Variants in FTO observed in about 807,000 individuals in gnomAD.
FTO encodes the protein FTO alpha-ketoglutarate dependent dioxygenase.
A neutral mutation model predicts 63.9 loss-of-function variants in FTO; 47 were observed. The ratio of observed to expected loss-of-function variants is 0.74; its 90% CI spans 0.58 to 0.94. FTO has a LOEUF of 0.94. Ranked by LOEUF, FTO falls within the 40% of genes least tolerant of loss-of-function variation. The pLI is 0.00. For synonymous variants in FTO, 207 were observed against 224.4 expected (o/e 0.92, Z 0.69); for missense variants, 562 against 618.1 (o/e 0.91, Z 0.96).
intron 1 of FTO, among the ~76,000 whole-genome samples, chr16:53,735,882 C>T (rs1052160818): frequency 2.6e-5 from 4 of 152,006 alleles, no homozygotes; most frequent in African/African-American, 7.2e-5. Flanking sequence ...TATCTTCAGT[C>T]ACCAAGTCTT....
At chr16:53,705,540 T>C (rs1000425617) in intron 1 of FTO, among the ~76,000 whole-genome samples, 30 of 152,238 alleles carry the variant, frequency 2.0e-4, no homozygotes, top group African/African-American at 7.2e-4. Flanking sequence ...CTTGCTTTCA[T>C]AGAATTTCAT....
chr16:54,080,955 G>A (rs1390019556), intron 8 of FTO, among the ~76,000 whole-genome samples: 1 of 152,178 alleles, frequency 6.6e-6, no homozygotes, highest in African/African-American at 2.4e-5. Context: ...TGTTAAGGCA[G>A]GATGTAGTGT....
chr16:53,889,071 T>C (rs1405202838), intron 7 of FTO, 120 bp downstream of exon 7: 15 of 1,220,728 alleles, frequency 1.2e-5, no homozygotes, highest in Non-Finnish European at 1.7e-5. Context: ...GTTAGATTCT[T>C]CTTGGTAAGG....
chr16:53,859,534 A>G (rs2080109595), intron 4 of FTO, among the ~76,000 whole-genome samples: 1 of 148,818 alleles, frequency 6.7e-6, no homozygotes, highest in South Asian at 2.1e-4. Context: ...ACTGTATATT[A>G]AATATATTTT....
At chr16:54,083,092 T>G (rs1490114232) in intron 8 of FTO, among the ~76,000 whole-genome samples, 2 of 152,230 alleles carry the variant, frequency 1.3e-5, no homozygotes, top group African/African-American at 4.8e-5. Flanking sequence ...AAATCTTCTA[T>G]CTAAATTGAA....
chr16:53,805,648 C>G (rs2078345051), intron 1 of FTO, among the ~76,000 whole-genome samples: 3 of 152,040 alleles, frequency 2.0e-5, no homozygotes, highest in African/African-American at 7.3e-5. Flanking sequence ...CGGGTTTTTA[C>G]CATTTTCCCC....
In FTO at chr16:54,075,290, C is replaced by T. The variant is rs144382663; in HGVS notation, c.1365-36472C>T. Reference sequence around the variant, plus strand: ...CTGTTGGTAATGGCAATATTATTAACGTACTTTTTACTTTTAAAAATGGTT... The same window carrying T: ...CTGTTGGTAATGGCAATATTATTAATGTACTTTTTACTTTTAAAAATGGTT... On this transcript the variant is annotated intron_variant, in intron 8 of 8. Coordinates refer to ENST00000471389, the MANE Select transcript of FTO (RefSeq NM_001080432.3). Among the ~76,000 whole-genome samples the T allele has an allele frequency of 1.3e-3, 192 of 152,136 alleles. 1 individual carries two copies. The highest frequency in any genetic ancestry group is 3.7e-3 in the African/African-American group (153 of 41,512).
intron 8 of FTO, among the ~76,000 whole-genome samples, chr16:54,029,882 T>C (rs2084790994): frequency 6.6e-6 from 1 of 152,248 alleles, no homozygotes; most frequent in Non-Finnish European, 1.5e-5. Context: ...TTTCTTCTAC[T>C]AAATTAGTCC....
intron 1 of FTO, among the ~76,000 whole-genome samples, chr16:53,737,494 C>G (rs2076416700): frequency 6.6e-6 from 1 of 152,148 alleles, no homozygotes; most frequent in South Asian, 2.1e-4. Flanking sequence ...GCAATTGTAG[C>G]ACAATGGTAA....
intron 8 of FTO, among the ~76,000 whole-genome samples, chr16:54,048,229 ATAAAAAAT>A (rs2085227069): frequency 7.0e-6 from 1 of 142,168 alleles, no homozygotes; most frequent in African/African-American, 2.7e-5. Context: ...AAAATAAAAA[ATAAAAAAT>A]AAAAAAATAA....
chr16:53,853,568 G>A (rs544583059), intron 4 of FTO, among the ~76,000 whole-genome samples: 1 of 152,092 alleles, frequency 6.6e-6, no homozygotes, highest in African/African-American at 2.4e-5. Context: ...GTGAGAACAT[G>A]CAATATTTGT....
rs530520577 is a variant in FTO at position 53,739,351 on chromosome 16, G to A, written c.45+35122G>A. ...CTCCCCAGTAGCTGGGACTATAGGC[G>A]CCCGCCACCACACCTGGCTGTTTTT... On this transcript the variant is annotated intron_variant, in intron 1 of 8. Transcript: ENST00000471389. 1.3e-3 allele frequency among the ~76,000 whole-genome samples: 192 copies of A among 149,674 alleles called. 1 individual carries two copies. The highest frequency in any genetic ancestry group is 4.2e-3 in the African/African-American group (170 of 40,834).
intron 7 of FTO, among the ~76,000 whole-genome samples, chr16:53,907,436 A>G (rs2081567163): frequency 1.3e-5 from 2 of 152,214 alleles, no homozygotes; most frequent in South Asian, 4.1e-4. Context: ...ACTCTCTGCC[A>G]CAGCCCAGCA....
intron 1 of FTO, among the ~76,000 whole-genome samples, chr16:53,794,308 A>G (rs1156722146): frequency 1.3e-5 from 2 of 152,200 alleles, no homozygotes; most frequent in African/African-American, 4.8e-5. Context: ...ATTCATAGGA[A>G]TGGCAGATAT....
intron 1 of FTO, among the ~76,000 whole-genome samples, chr16:53,802,067 T>C (rs1388039434): frequency 6.6e-6 from 1 of 152,160 alleles, no homozygotes; most frequent in Non-Finnish European, 1.5e-5. Context: ...CGCAGTCTTA[T>C]TTGGTTTTAT....
intron 4 of FTO, among the ~76,000 whole-genome samples, chr16:53,861,466 TGTTA>T (rs1215099761): frequency 6.6e-6 from 1 of 152,354 alleles, no homozygotes; most frequent in South Asian, 2.1e-4. Context: ...TTCTTCTTTC[TGTTA>T]TTCATTGGCT....
intron 2 of FTO, among the ~76,000 whole-genome samples, chr16:53,822,827 T>C (rs549209122): frequency 1.3e-5 from 2 of 152,302 alleles, no homozygotes; most frequent in East Asian, 3.9e-4. Flanking sequence ...AAGCCTTGCA[T>C]ACCTGACTTG....
chr16:53,739,245 G>T (rs185662966), intron 1 of FTO, among the ~76,000 whole-genome samples: 1 of 150,646 alleles, frequency 6.6e-6, no homozygotes, highest in Non-Finnish European at 1.5e-5. Context: ...TCGCTCTGTC[G>T]CCCAGGCTGG....
chr16:53,852,537 C>T (rs752041807), intron 4 of FTO, among the ~76,000 whole-genome samples: 18 of 152,118 alleles, frequency 1.2e-4, no homozygotes, highest in Non-Finnish European at 8.8e-5. Context: ...TTTGATAAGA[C>T]AAGCACGCTT....
Sources: gnomAD v4.1 joint callset for allele counts (sites outside exome capture counted in the v4.1 genomes callset) on GRCh38, gnomAD v4.1.1 for gene constraint, MANE v1.5 for transcripts, NCBI Gene and HGNC (gene_info 2026-07-23, HGNC 2026-07-21) for gene names.